NBAS: variants seen among roughly 807,000 people sequenced by gnomAD.
NBAS encodes NAG/BC035112 fusion.
Under a neutral mutation model 302.5 loss-of-function variants are expected in NBAS, and 219 were observed. That is an observed-to-expected ratio of 0.72 (90% CI 0.65 to 0.81). The LOEUF (loss-of-function observed/expected upper bound fraction) is 0.81, where lower values mean the gene tolerates loss of function less well. Among genes scored for constraint, NBAS ranks in the 30% least tolerant of loss-of-function variants. The probability of loss-of-function intolerance (pLI) is 0.00; values close to 1 mark genes in which losing one functional copy is unlikely to be tolerated. For synonymous variants in NBAS, 1,118 were observed against 1,021.6 expected, an observed-to-expected ratio of 1.09 and a Z score of -1.80; for missense variants, 2,932 against 2,841.6, an observed-to-expected ratio of 1.03 and a Z score of -0.72.
At chr2:14,883,572 T>C in the NBAS span, among the ~76,000 whole-genome samples, 1 of 152,150 alleles carries the variant, frequency 6.6e-6, no homozygotes, top group Non-Finnish European at 1.5e-5. Context: ...AAAATCACTA[T>C]GATTTGGAGT....
the NBAS span, among the ~76,000 whole-genome samples, chr2:14,790,426 T>C: frequency 6.6e-6 from 1 of 152,168 alleles, no homozygotes; most frequent in Non-Finnish European, 1.5e-5. Flanking sequence ...CTCATACCAG[T>C]GAAATAGTCT....
In NBAS at chr2:15,449,840, C is replaced by G. The variant is rs887016128; in HGVS notation, c.2339+11361G>C. Among the ~76,000 whole-genome samples the G allele has an allele frequency of 2.0e-5, 3 of 152,168 alleles. No homozygotes were observed. The East Asian group carries it at 5.8e-4, about 29-fold the overall frequency. ...CTCTGCGGACAGTCACCTCAGAAGG[C>G]CAAACACTTTTTCCAAGTCAGAAAT... On this transcript the variant is annotated intron_variant, in intron 21 of 51. Transcript: ENST00000281513.
At chr2:15,279,064 T>C (rs1669714919) in intron 42 of NBAS, among the ~76,000 whole-genome samples, 1 of 152,188 alleles carries the variant, frequency 6.6e-6, no homozygotes. Flanking sequence ...TTTCTGATGT[T>C]CCTTCATAAT....
the NBAS span, among the ~76,000 whole-genome samples, chr2:14,790,490 G>A: frequency 7.1e-3 from 1,084 of 152,096 alleles, 24 homozygotes; most frequent in African/African-American, 0.025. Context: ...GATTTCTTTC[G>A]AAAAAGTCCA....
chr2:15,002,485 G>A, the NBAS span, among the ~76,000 whole-genome samples: 10 of 152,292 alleles, frequency 6.6e-5, no homozygotes, highest in African/African-American at 1.2e-4. Context: ...AGTGGATCCC[G>A]CACCGGGACT....
In NBAS at chr2:15,257,485, C is replaced by T. The variant is rs547465752; in HGVS notation, c.5724+17999G>A. On this transcript the variant is annotated intron_variant, in intron 44 of 51. Transcript: ENST00000281513. ...TTGGTTCACTGCAACCTCTGCCTCC[C>T]GCATTCGAGAGATTCTCCTGCCTCA... Among the ~76,000 whole-genome samples the T allele has an allele frequency of 4.6e-5, 7 of 151,874 alleles. No individual in the cohort carries two copies. In the South Asian group the frequency reaches 1.0e-3, roughly 23 times the overall value.
At position 15,356,419 on chromosome 2, in the gene NBAS, G is replaced by A. The variant is rs753282073; in HGVS notation, c.3818-3C>T. 83 of 1,607,178 alleles carry A rather than the reference G, an allele frequency of 5.2e-5. No individual in the cohort carries two copies. The highest frequency in any genetic ancestry group is 6.9e-5 in the Non-Finnish European group (81 of 1,173,912). On this transcript the variant is annotated splice_polypyrimidine_tract_variant and splice_region_variant and intron_variant, in intron 32 of 51. Coordinates refer to ENST00000281513, the MANE Select transcript of NBAS (RefSeq NM_015909.4). ...CCGCCTTTCTTCTGGGTTCTCACCT[G>A]TAAGTCCAAGCAAAGGACTTAATGA...
chr2:15,419,933 C>T (rs912322272), intron 23 of NBAS, among the ~76,000 whole-genome samples: 10 of 151,978 alleles, frequency 6.6e-5, no homozygotes, highest in South Asian at 2.1e-4. Context: ...AGGATGGTCT[C>T]GATCTCCTGA....
chr2:14,967,813 G>A, the NBAS span, among the ~76,000 whole-genome samples: 1 of 152,208 alleles, frequency 6.6e-6, no homozygotes, highest in Non-Finnish European at 1.5e-5. Flanking sequence ...TATGGAGTAA[G>A]GGACTTGTAT....
the NBAS span, among the ~76,000 whole-genome samples, chr2:14,799,707 G>C: frequency 2.7e-4 from 41 of 152,196 alleles, no homozygotes; most frequent in African/African-American, 9.4e-4. Context: ...TTCCTTTGTA[G>C]ATCTATAAGT....
At chr2:15,147,624 GA>G in the NBAS span, among the ~76,000 whole-genome samples, 1 of 151,936 alleles carries the variant, frequency 6.6e-6, no homozygotes, top group Non-Finnish European at 1.5e-5. Flanking sequence ...ATTAAAAAAA[GA>G]GATGTTCCAG....
chr2:15,018,522 C>T, the NBAS span, among the ~76,000 whole-genome samples: 1 of 151,978 alleles, frequency 6.6e-6, no homozygotes, highest in African/African-American at 2.4e-5. Flanking sequence ...AGTTTGAAAC[C>T]ATTTATACAC....
chr2:14,966,864 T>C, the NBAS span, among the ~76,000 whole-genome samples: 21 of 152,308 alleles, frequency 1.4e-4, no homozygotes, highest in South Asian at 1.7e-3. Flanking sequence ...AAACTCTTTG[T>C]TCACATATAA....
the NBAS span, among the ~76,000 whole-genome samples, chr2:15,091,533 C>A: frequency 6.7e-6 from 1 of 150,188 alleles, no homozygotes; most frequent in Admixed American, 6.7e-5. Flanking sequence ...TTTCTTTTTT[C>A]TTTTTCTTTT....
At chr2:15,044,141 TTG>T in the NBAS span, among the ~76,000 whole-genome samples, 1 of 152,214 alleles carries the variant, frequency 6.6e-6, no homozygotes, top group Non-Finnish European at 1.5e-5. Context: ...TTTTTTTTTT[TTG>T]CTTAAATATA....
the NBAS span, among the ~76,000 whole-genome samples, chr2:14,979,736 T>G: frequency 1.3e-5 from 2 of 152,058 alleles, no homozygotes; most frequent in Non-Finnish European, 2.9e-5. Context: ...CTCATTATCT[T>G]TAGAAAAAAA....
the NBAS span, among the ~76,000 whole-genome samples, chr2:14,798,366 G>T: frequency 6.6e-6 from 1 of 152,076 alleles, no homozygotes; most frequent in African/African-American, 2.4e-5. Context: ...TTTTAAGTAT[G>T]TTAATACAGT....
In NBAS at chr2:15,190,314, C is replaced by T. The variant is rs1197148968; in HGVS notation, c.6522G>A (p.Gln2174=). The stretch of plus-strand genomic sequence containing the variant: ...AAGCTTGCAAAAGTAAAACCAAGTG[C>T]TGAAATTCAGCCTCGTGGTGACTAG... ...LESSHHEAEF[Q]HLVLLLQAWP... is the part of the protein sequence containing the mutation. The change falls in exon 49 of 52, where the codon CAG becomes CAA. Residue 2174 remains glutamine (Q), a synonymous_variant. Transcript: ENST00000281513. The T allele has an allele frequency of 6.2e-7, 1 of 1,613,840 alleles. No individual in the cohort carries two copies. The highest frequency in any genetic ancestry group is 8.5e-7 in the Non-Finnish European group (1 of 1,179,930).
chr2:15,374,562 C>T (rs763244737), intron 31 of NBAS, 46 bp downstream of exon 31: 2 of 1,482,116 alleles, frequency 1.3e-6, no homozygotes, highest in South Asian at 2.3e-5. Context: ...TAGTAAATTG[C>T]TGCAATATAA....
Sources: gnomAD v4.1 joint callset for allele counts (sites outside exome capture counted in the v4.1 genomes callset) on GRCh38, gnomAD v4.1.1 for gene constraint, MANE v1.5 for transcripts, NCBI Gene and HGNC (gene_info 2026-07-23, HGNC 2026-07-21) for gene names.